The following ASPRV1 variants were observed in gnomAD, a reference collection of about 807,000 sequenced individuals.
The protein encoded by ASPRV1 is aspartic peptidase retroviral like 1, also known as retroviral-like aspartic protease 1.
Under a neutral mutation model 11.0 loss-of-function variants are expected in ASPRV1, and 7 were observed. The ratio of observed to expected loss-of-function variants is 0.64; its 90% confidence interval spans 0.36 to 1.20. ASPRV1 has a LOEUF of 1.20. ASPRV1 is among the 50% of genes most tolerant of loss of function. The pLI, the probability that ASPRV1 is intolerant of heterozygous loss-of-function variation, is 0.02. For missense variants in ASPRV1, 299 were observed against 320.0 expected (o/e 0.93, Z 0.50); for synonymous variants, 136 against 138.4 (o/e 0.98, Z 0.12).
At chr2:69,959,961 G>A (rs1678026379), downstream of ASPRV1, 2 of 152,140 alleles carry the variant, frequency 1.3e-5, no homozygotes, top group African/African-American at 2.4e-5. Flanking sequence ...GAAAATCCAA[G>A]ACCTGTCATC....
At chr2:69,955,607 TAGAG>T (rs1406445529), downstream of ASPRV1, among the ~76,000 whole-genome samples, 2 of 152,142 alleles carry the variant, frequency 1.3e-5, no homozygotes, top group Admixed American at 6.5e-5. Context: ...TTCTCATTAT[TAGAG>T]AAAGAAGTCA....
the ASPRV1 span, among the ~76,000 whole-genome samples, chr2:70,061,998 A>G: frequency 6.7e-5 from 10 of 149,254 alleles, no homozygotes; most frequent in South Asian, 2.1e-4. Context: ...GATATCATAG[A>G]TATCTTTGGC....
chr2:70,009,774 A>C, the ASPRV1 span, among the ~76,000 whole-genome samples: 60 of 152,238 alleles, frequency 3.9e-4, no homozygotes, highest in Non-Finnish European at 6.8e-4. Context: ...GAAGGAAATA[A>C]CTCTTTCTAA....
At chr2:70,073,682 T>C in the ASPRV1 span, among the ~76,000 whole-genome samples, 1 of 152,114 alleles carries the variant, frequency 6.6e-6, no homozygotes, top group Non-Finnish European at 1.5e-5. Context: ...TCATTATGTG[T>C]ACCCAAGCCT....
chr2:70,038,439 TGTG>T, the ASPRV1 span, among the ~76,000 whole-genome samples: 1 of 152,018 alleles, frequency 6.6e-6, no homozygotes, highest in South Asian at 2.1e-4. Context: ...AGTAGCCAGG[TGTG>T]GTGGTGATCA....
At chr2:69,981,202 C>A in the ASPRV1 span, among the ~76,000 whole-genome samples, 1 of 152,164 alleles carries the variant, frequency 6.6e-6, no homozygotes, top group Non-Finnish European at 1.5e-5. Context: ...AAGGATATTG[C>A]ACCACTTGTG....
chr2:70,034,582 AAAAG>A, the ASPRV1 span, among the ~76,000 whole-genome samples: 24 of 152,070 alleles, frequency 1.6e-4, no homozygotes, highest in Admixed American at 3.3e-4. Flanking sequence ...AAAAAAAAAA[AAAAG>A]AAAGAAAATC....
the ASPRV1 span, among the ~76,000 whole-genome samples, chr2:70,024,205 T>G: frequency 5.9e-5 from 9 of 152,134 alleles, no homozygotes; most frequent in Non-Finnish European, 8.8e-5. Flanking sequence ...TTTAAAAACT[T>G]TTTTTGAGAA....
chr2:70,067,296 A>G, the ASPRV1 span, among the ~76,000 whole-genome samples: 2 of 152,210 alleles, frequency 1.3e-5, no homozygotes, highest in Non-Finnish European at 2.9e-5. Flanking sequence ...TCTATAATGT[A>G]TATGATTGGG....
the ASPRV1 span, among the ~76,000 whole-genome samples, chr2:70,034,505 A>C: frequency 6.6e-6 from 1 of 151,894 alleles, no homozygotes; most frequent in South Asian, 2.1e-4. Flanking sequence ...CGGGAGGTGG[A>C]CGTTGCACTA....
the ASPRV1 span, among the ~76,000 whole-genome samples, chr2:70,010,548 G>T: frequency 4.6e-5 from 7 of 152,172 alleles, no homozygotes; most frequent in African/African-American, 1.7e-4. Context: ...CACAAAGGTT[G>T]TGTTTCATGA....
At chr2:69,949,125 G>T in the ASPRV1 span, among the ~76,000 whole-genome samples, 1 of 152,136 alleles carries the variant, frequency 6.6e-6, no homozygotes, top group Non-Finnish European at 1.5e-5. Context: ...ATGACACCTT[G>T]TATTTTACCT....
the ASPRV1 span, among the ~76,000 whole-genome samples, chr2:70,073,680 T>G: frequency 6.6e-6 from 1 of 152,136 alleles, no homozygotes; most frequent in Non-Finnish European, 1.5e-5. Context: ...TTTCATTATG[T>G]GTACCCAAGC....
chr2:70,027,843 C>T, the ASPRV1 span, among the ~76,000 whole-genome samples: 1 of 152,118 alleles, frequency 6.6e-6, no homozygotes, highest in African/African-American at 2.4e-5. Context: ...TAGAATGTTA[C>T]CAACACAAAG....
At chr2:70,008,345 A>C in the ASPRV1 span, among the ~76,000 whole-genome samples, 2 of 152,178 alleles carry the variant, frequency 1.3e-5, no homozygotes, top group African/African-American at 4.8e-5. Flanking sequence ...AACTCAACTC[A>C]TTGATTATGG....
At chr2:69,956,854 C>G (rs1299034987), downstream of ASPRV1, among the ~76,000 whole-genome samples, 1 of 152,164 alleles carries the variant, frequency 6.6e-6, no homozygotes, top group African/African-American at 2.4e-5. Flanking sequence ...CTGCCCGAAA[C>G]CCACAGCCCG....
the ASPRV1 span, among the ~76,000 whole-genome samples, chr2:70,079,318 A>AT: frequency 1.6e-4 from 25 of 152,272 alleles, no homozygotes; most frequent in South Asian, 3.5e-3. Context: ...ACAAAAAAAA[A>AT]AATAATAAAT....
chr2:70,013,062 A>G, the ASPRV1 span, among the ~76,000 whole-genome samples: 83 of 152,348 alleles, frequency 5.4e-4, no homozygotes, highest in African/African-American at 1.9e-3. Context: ...TTTCTGATGA[A>G]ATCAGTGGTA....
At chr2:69,937,581 A>G in the ASPRV1 span, among the ~76,000 whole-genome samples, 1 of 152,342 alleles carries the variant, frequency 6.6e-6, no homozygotes, top group South Asian at 2.1e-4. Context: ...TGACAACCCC[A>G]GAAGAGTTTG....
Sources: allele counts gnomAD v4.1 joint callset (sites outside exome capture counted in the v4.1 genomes callset), GRCh38; gene constraint gnomAD v4.1.1; transcripts MANE v1.5; gene names NCBI Gene and HGNC (gene_info 2026-07-23, HGNC 2026-07-21).